The following LDLRAD4 variants were observed in gnomAD, a reference collection of about 807,000 sequenced individuals.
LDLRAD4 encodes the protein low-density lipoprotein receptor class A domain-containing protein 4.
LDLRAD4 carries 5 observed loss-of-function variants against 17.0 expected under a neutral mutation model. The observed-to-expected ratio is 0.29, with a 90% CI of 0.15 to 0.62. The LOEUF is 0.62. Ranked by LOEUF, LDLRAD4 falls within the 20% of genes least tolerant of loss-of-function variation. The probability of loss-of-function intolerance (pLI) is 0.84; values close to 1 mark genes in which losing one functional copy is unlikely to be tolerated. For missense variants in LDLRAD4, 340 were observed against 424.7 expected, an observed-to-expected ratio of 0.80 and a Z score of 1.75; for synonymous variants, 168 against 171.8, an observed-to-expected ratio of 0.98 and a Z score of 0.17.
At chr18:13,287,657 TC>T (rs1300532741) in intron 1 of LDLRAD4, among the ~76,000 whole-genome samples, 4 of 152,206 alleles carry the variant, frequency 2.6e-5, no homozygotes, top group African/African-American at 9.6e-5. Flanking sequence ...AAATTCTTAT[TC>T]CTACACTCTT....
intron 3 of LDLRAD4, among the ~76,000 whole-genome samples, chr18:13,562,662 G>A (rs2094553950): frequency 6.6e-6 from 1 of 152,116 alleles, no homozygotes. Flanking sequence ...CCAGCCCCTG[G>A]AAACCCCCAT....
chr18:13,297,040 C>T (rs997664954), intron 1 of LDLRAD4, among the ~76,000 whole-genome samples: 1 of 132,702 alleles, frequency 7.5e-6, no homozygotes, highest in Non-Finnish European at 1.7e-5. Flanking sequence ...CGTGGGTTTG[C>T]GGGAGATGGT....
At chr18:13,649,691 T>C in exon 6 of LDLRAD4, 1 of 191,030 alleles carries the variant, frequency 5.2e-6, no homozygotes, top group African/African-American at 2.3e-5. Context: ...AATGGCAACA[T>C]TAACTTTGTG....
intron 3 of LDLRAD4, among the ~76,000 whole-genome samples, chr18:13,494,210 C>T (rs1324646337): frequency 3.3e-5 from 5 of 152,138 alleles, no homozygotes; most frequent in African/African-American, 4.8e-5. Context: ...TCCCAACCTG[C>T]TGTCTAGCTT....
At chr18:13,527,059 G>C (rs937585675) in intron 3 of LDLRAD4, among the ~76,000 whole-genome samples, 1 of 152,236 alleles carries the variant, frequency 6.6e-6, no homozygotes, top group Non-Finnish European at 1.5e-5. Context: ...AGCTGCCCTT[G>C]GCAGAGAACG....
chr18:13,514,129 G>A (rs2093826228), intron 3 of LDLRAD4, among the ~76,000 whole-genome samples: 1 of 152,202 alleles, frequency 6.6e-6, no homozygotes, highest in South Asian at 2.1e-4. Flanking sequence ...CTAGTAAACT[G>A]TATATAGGTC....
intron 3 of LDLRAD4, chr18:13,561,427 T>G (rs1478983176): frequency 6.6e-6 from 1 of 152,200 alleles, no homozygotes; most frequent in Non-Finnish European, 1.5e-5. Context: ...AATTAAATTT[T>G]TGAGCACCAT....
chr18:13,234,810 C>T (rs1418463972), intron 1 of LDLRAD4: 1 of 152,204 alleles, frequency 6.6e-6, no homozygotes, highest in African/African-American at 2.4e-5. Context: ...AGTAAACTAC[C>T]TACCAGAAAC....
intron 1 of LDLRAD4, among the ~76,000 whole-genome samples, chr18:13,261,556 G>C (rs1167088375): frequency 6.6e-6 from 1 of 152,170 alleles, no homozygotes; most frequent in Non-Finnish European, 1.5e-5. Context: ...ACCTTTGGGG[G>C]TTGTATCCCT....
Position 13,606,581 on chromosome 18 carries a change from G to A in LDLRAD4, c.182-14536G>A, listed in dbSNP as rs903902202. Among the ~76,000 whole-genome samples the A allele has an allele frequency of 1.8e-4, 27 of 152,296 alleles. 1 individual carries two copies. The highest frequency in any genetic ancestry group is 5.8e-4 in the African/African-American group (24 of 41,562). On this transcript the variant is annotated intron_variant, in intron 3 of 5. Coordinates refer to ENST00000359446, the Ensembl canonical transcript of LDLRAD4. Reference sequence around the variant, plus strand: ...CTACATAAAGCTGTCTCTGTGCTGCGTTTTTCTAAGTTCCAAGGATACGCT... The same window carrying A: ...CTACATAAAGCTGTCTCTGTGCTGCATTTTTCTAAGTTCCAAGGATACGCT...
chr18:13,645,866 AAC>A lies in LDLRAD4; in HGVS notation c.*211_*212del. 1 of 413,046 alleles carries A rather than the reference AAC, an allele frequency of 2.4e-6. No homozygotes were observed. The allele number at this position is 413,046 out of a possible 1,614,324, so 25.6% of individuals were successfully genotyped here. On this transcript the variant is annotated 3_prime_UTR_variant, in exon 6 of 6. Coordinates refer to ENST00000359446, the Ensembl canonical transcript of LDLRAD4. This position sits in a 1 kb window ranked among gnomAD's most constrained non-coding sequence, Gnocchi z 5.7. ...CAAACTTCCATCTGGTCTGACCGCAAACAGTGTTTATTTGGGGACAGGGGTTG... is the reference window on the plus strand; with the variant it reads ...CAAACTTCCATCTGGTCTGACCGCAAAGTGTTTATTTGGGGACAGGGGTTG...
At chr18:13,571,735 C>A (rs2094694050) in intron 3 of LDLRAD4, among the ~76,000 whole-genome samples, 1 of 152,170 alleles carries the variant, frequency 6.6e-6, no homozygotes, top group Non-Finnish European at 1.5e-5. Context: ...CTCCCGGGTT[C>A]ACGTCATTCT....
chr18:13,631,985 C>T (rs1301102070), intron 4 of LDLRAD4, among the ~76,000 whole-genome samples: 3 of 152,128 alleles, frequency 2.0e-5, no homozygotes, highest in Non-Finnish European at 4.4e-5. Context: ...GATTATACAT[C>T]ATCAACAAGT....
At chr18:13,347,337 G>T (rs1181140820) in intron 1 of LDLRAD4, among the ~76,000 whole-genome samples, 1 of 152,162 alleles carries the variant, frequency 6.6e-6, no homozygotes, top group Non-Finnish European at 1.5e-5. Context: ...ATGAAGCTTA[G>T]TTTGGCTGGA....
At chr18:13,507,816 A>G (rs1299480258) in intron 3 of LDLRAD4, among the ~76,000 whole-genome samples, 2 of 152,172 alleles carry the variant, frequency 1.3e-5, no homozygotes, top group Non-Finnish European at 2.9e-5. Context: ...TGAAATTAGG[A>G]CAAATAATAA....
chr18:13,604,497 C>G (rs1002557946), intron 3 of LDLRAD4, among the ~76,000 whole-genome samples: 1 of 152,172 alleles, frequency 6.6e-6, no homozygotes, highest in African/African-American at 2.4e-5. Context: ...TTCAGTCTCT[C>G]AAGGGGCAGT....
chr18:13,393,170 G>A (rs1043354642), intron 2 of LDLRAD4, among the ~76,000 whole-genome samples: 5 of 152,152 alleles, frequency 3.3e-5, no homozygotes, highest in African/African-American at 1.2e-4. Flanking sequence ...ACCCACGGAT[G>A]CCCTCAGCCC....
At chr18:13,455,168 A>T (rs933665872) in intron 3 of LDLRAD4, among the ~76,000 whole-genome samples, 1 of 152,194 alleles carries the variant, frequency 6.6e-6, no homozygotes, top group Non-Finnish European at 1.5e-5. Flanking sequence ...GATGTTCCTC[A>T]GGCTGGGCTG....
At chr18:13,508,234 T>G (rs1438589286) in intron 3 of LDLRAD4, among the ~76,000 whole-genome samples, 1 of 152,072 alleles carries the variant, frequency 6.6e-6, no homozygotes, top group Admixed American at 6.6e-5. Context: ...CTAGCAGAGG[T>G]AGGTTCATGA....
Sources: allele counts gnomAD v4.1 joint callset (sites outside exome capture counted in the v4.1 genomes callset), GRCh38; gene constraint gnomAD v4.1.1; non-coding constraint Gnocchi (gnomAD v3.1); transcripts MANE v1.5; gene names NCBI Gene and HGNC (gene_info 2026-07-23, HGNC 2026-07-21).